The following COL4A5 variants were observed in gnomAD, a reference collection of about 807,000 sequenced individuals.
COL4A5 encodes the protein collagen alpha-5(IV) chain.
A neutral mutation model predicts 130.2 loss-of-function variants in COL4A5; 26 were observed. That is an observed-to-expected ratio of 0.20 (90% CI 0.15 to 0.28). COL4A5 has a LOEUF of 0.28. Among genes scored for constraint, COL4A5 ranks in the 10% least tolerant of loss-of-function variants. The probability of loss-of-function intolerance (pLI) is 1.00; values close to 1 mark genes in which losing one functional copy is unlikely to be tolerated. For missense variants in COL4A5, 1,131 were observed against 1,344.3 expected (o/e 0.84, Z 2.48); for synonymous variants, 496 against 439.6 (o/e 1.13, Z -1.60).
chrX:108,483,205 GTGTGTGTGTGTGTGTGTA>G (rs1228634143), intron 1 of COL4A5, among the ~76,000 whole-genome samples: 1 of 96,875 alleles, frequency 1.0e-5, no homozygotes, highest in Non-Finnish European at 2.2e-5. Flanking sequence ...AATAGGATAT[GTGTGTGTGTGTGTGTGTA>G]TGTGTGTGTG....
intron 16 of COL4A5, 34 bp from the exon 17 acceptor site, chrX:108,582,850 G>A: frequency 8.9e-7 from 1 of 1,125,938 alleles, no homozygotes. Context: ...ACCATCATTT[G>A]TGCTGATGTC....
At chrX:108,568,295 A>G (rs774430622) in intron 4 of COL4A5, among the ~76,000 whole-genome samples, 2 of 111,530 alleles carry the variant, frequency 1.8e-5, no homozygotes, top group South Asian at 7.6e-4. Context: ...CCACTCCCCC[A>G]TCCCCTGCTG....
At chrX:108,558,355 C>G (rs1375111187) in intron 2 of COL4A5, among the ~76,000 whole-genome samples, 1 of 110,319 alleles carries the variant, frequency 9.1e-6, no homozygotes, top group Admixed American at 9.7e-5. Context: ...AGTACACATG[C>G]TGGCTCTGCT....
chrX:108,623,387 A>C (rs1212142379), intron 33 of COL4A5, among the ~76,000 whole-genome samples: 1 of 111,840 alleles, frequency 8.9e-6, no homozygotes, highest in Non-Finnish European at 1.9e-5. Context: ...GTGTCCATAT[A>C]GTTATTTTAT....
chrX:108,531,021 A>G (rs1274766540), intron 1 of COL4A5, among the ~76,000 whole-genome samples: 2 of 103,676 alleles, frequency 1.9e-5, no homozygotes, highest in East Asian at 6.3e-4. Context: ...ATGGAATACT[A>G]TGCAGCCATA....
At chrX:108,450,917 A>G (rs61176656) in intron 1 of COL4A5, among the ~76,000 whole-genome samples, 1 of 108,836 alleles carries the variant, frequency 9.2e-6, no homozygotes, top group African/African-American at 3.4e-5. Flanking sequence ...AGTTACATAC[A>G]TGTGCCATGC....
chrX:108,450,247 T>A (rs1402106937), intron 1 of COL4A5, among the ~76,000 whole-genome samples: 4 of 111,878 alleles, frequency 3.6e-5, no homozygotes, highest in Non-Finnish European at 7.5e-5. Flanking sequence ...ACCAGTTGAT[T>A]TTTGCATGGA....
intron 1 of COL4A5, among the ~76,000 whole-genome samples, chrX:108,465,252 A>C (rs915217222): frequency 8.9e-6 from 1 of 112,569 alleles, no homozygotes; most frequent in Non-Finnish European, 1.9e-5. Context: ...GGAATATTTT[A>C]CATTCTCACC....
chrX:108,688,416 T>TTTG (rs765508920), intron 49 of COL4A5, among the ~76,000 whole-genome samples: 44 of 109,487 alleles, frequency 4.0e-4, no homozygotes, highest in South Asian at 7.9e-4. Flanking sequence ...GGGGCTGCAT[T>TTTG]TTGTTGTTGT....
rs182458116 is a variant in COL4A5, at chrX:108,697,405, A to C, written c.*1027A>C. ...CTTTTAAGTTACAAAAAGCCAATTGATGTTTCTTATTCTTTTTAAATTTTA... is the reference window on the plus strand; with the variant it reads ...CTTTTAAGTTACAAAAAGCCAATTGCTGTTTCTTATTCTTTTTAAATTTTA... On this transcript the variant is annotated 3_prime_UTR_variant, in exon 53 of 53. Coordinates refer to ENST00000328300, the MANE Select transcript of COL4A5 (RefSeq NM_033380.3). 1 of 110,984 alleles carries C rather than the reference A, an allele frequency of 9.0e-6. No individual in the cohort carries two copies. Among genetic ancestry groups the C allele is most frequent in the African/African-American group, 3.3e-5 (1 of 30,651 alleles). 9.1% of individuals were successfully genotyped at this position (110,984 alleles called of 1,213,427 possible).
chrX:108,450,362 G>A (rs1484861668), intron 1 of COL4A5, among the ~76,000 whole-genome samples: 1 of 111,721 alleles, frequency 9.0e-6, no homozygotes, highest in Non-Finnish European at 1.9e-5. Context: ...CCAAAGAGCT[G>A]GGATTACAGG....
chrX:108,611,450 GC>G (rs1260466170), intron 29 of COL4A5, among the ~76,000 whole-genome samples: 1 of 110,771 alleles, frequency 9.0e-6, no homozygotes, highest in Non-Finnish European at 1.9e-5. Context: ...AATATTGTGT[GC>G]TTGGAAATGT....
At chrX:108,605,181 C>T (rs1603293063) in intron 28 of COL4A5, among the ~76,000 whole-genome samples, 1 of 112,332 alleles carries the variant, frequency 8.9e-6, no homozygotes, top group Non-Finnish European at 1.9e-5. Flanking sequence ...TAGCCTTCAA[C>T]CTACCTTAGC....
intron 19 of COL4A5, among the ~76,000 whole-genome samples, chrX:108,588,631 A>C: frequency 9.0e-6 from 1 of 111,284 alleles, no homozygotes; most frequent in Non-Finnish European, 1.9e-5. Flanking sequence ...CCATCTATTA[A>C]AAAACACATG....
At chrX:108,630,782 G>C (rs1447248895) in intron 36 of COL4A5, among the ~76,000 whole-genome samples, 2 of 112,088 alleles carry the variant, frequency 1.8e-5, no homozygotes, top group Non-Finnish European at 3.8e-5. Flanking sequence ...GGTTTTTATG[G>C]TTTTATGTTC....
chrX:108,636,948 T>TG (rs1256098615), intron 36 of COL4A5, among the ~76,000 whole-genome samples: 2 of 103,715 alleles, frequency 1.9e-5, no homozygotes, highest in Admixed American at 2.1e-4. Context: ...TCTTTTTTTT[T>TG]TTTTTTTTTT....
chrX:108,686,516 T>G (rs2068548117), intron 48 of COL4A5, among the ~76,000 whole-genome samples: 1 of 112,053 alleles, frequency 8.9e-6, no homozygotes, highest in African/African-American at 3.2e-5. Context: ...CAAATATAAA[T>G]GAACAGTTTA....
intron 40 of COL4A5, among the ~76,000 whole-genome samples, chrX:108,667,845 T>A: frequency 9.0e-6 from 1 of 111,143 alleles, no homozygotes; most frequent in Non-Finnish European, 1.9e-5. Flanking sequence ...AGAAAAAATG[T>A]TGAGAACAAT....
At chrX:108,586,778 T>C in intron 19 of COL4A5, 31 bp downstream of exon 19, 1 of 1,192,307 alleles carries the variant, frequency 8.4e-7, no homozygotes, top group East Asian at 3.0e-5. Flanking sequence ...GGCCTTGTTC[T>C]TATAGCATCC....
Sources: gnomAD v4.1 joint callset for allele counts (sites outside exome capture counted in the v4.1 genomes callset) on GRCh38, gnomAD v4.1.1 for gene constraint, MANE v1.5 for transcripts, NCBI Gene and HGNC (gene_info 2026-07-23, HGNC 2026-07-21) for gene names.